HAT1: variants seen among roughly 807,000 people sequenced by gnomAD.
HAT1 encodes the protein histone acetyltransferase 1, also known as histone acetyltransferase type B catalytic subunit.
HAT1 carries 20 observed loss-of-function variants against 56.6 expected under a neutral mutation model. That is an observed-to-expected ratio of 0.35 (90% CI 0.25 to 0.51). HAT1 has a LOEUF of 0.51. HAT1 is among the 20% of genes least tolerant of loss of function. HAT1 has a pLI of 0.95. For synonymous variants in HAT1, 146 were observed against 165.5 expected (o/e 0.88, Z 0.91); for missense variants, 408 against 504.3 (o/e 0.81, Z 1.83).
At chr2:171,928,697 G>T (rs150218478) in intron 2 of HAT1, among the ~76,000 whole-genome samples, 3,265 of 152,218 alleles carry the variant, frequency 0.021, 55 homozygotes, top group Middle Eastern at 0.037. Context: ...TTTTAGGAGA[G>T]ACGGAGTTTC....
At chr2:171,967,316 A>G (rs1421022814) in intron 8 of HAT1, among the ~76,000 whole-genome samples, 2 of 152,210 alleles carry the variant, frequency 1.3e-5, no homozygotes, top group Non-Finnish European at 2.9e-5. Flanking sequence ...GCAGAATATT[A>G]TAAACTTTAC....
intron 4 of HAT1, among the ~76,000 whole-genome samples, chr2:171,954,208 T>A (rs1241481471): frequency 6.6e-6 from 1 of 152,166 alleles, no homozygotes; most frequent in Non-Finnish European, 1.5e-5. Flanking sequence ...TCAAAGAAGA[T>A]GGAGGGAAAT....
At chr2:171,977,557 ATTT>A (rs1172067451) in intron 9 of HAT1, among the ~76,000 whole-genome samples, 219 of 15,992 alleles carry the variant, frequency 0.014, 1 homozygote, top group Middle Eastern at 0.083. Context: ...ATATATATAT[ATTT>A]TTTTTTTTTT....
At chr2:171,928,906 T>C (rs1441317268) in intron 2 of HAT1, among the ~76,000 whole-genome samples, 2 of 152,224 alleles carry the variant, frequency 1.3e-5, no homozygotes, top group African/African-American at 4.8e-5. Context: ...TTGGCTGTTA[T>C]TGTATGAGTT....
intron 2 of HAT1, among the ~76,000 whole-genome samples, chr2:171,933,445 T>C (rs1447804314): frequency 6.6e-6 from 1 of 151,944 alleles, no homozygotes; most frequent in Non-Finnish European, 1.5e-5. Flanking sequence ...CTAGCATTAA[T>C]GTTATAAATT....
At position 171,925,864 on chromosome 2, in the gene HAT1, G is replaced by A. The variant is rs186827540; in HGVS notation, c.112+223G>A. 1.3e-3 allele frequency among the ~76,000 whole-genome samples: 196 copies of A among 152,060 alleles called. 2 individuals carry two copies. Among genetic ancestry groups the A allele is most frequent in the African/African-American group, 4.3e-3 (178 of 41,496 alleles). ...AGAATTTTATATAAAAAGGAAAGAC[G>A]GTGGGGCAAAAAGTAATAAGTATAT... On this transcript the variant is annotated intron_variant, in intron 2 of 10. Transcript: ENST00000264108.
chr2:171,956,458 GC>G (rs951436154), intron 4 of HAT1, among the ~76,000 whole-genome samples: 10 of 146,630 alleles, frequency 6.8e-5, no homozygotes, highest in African/African-American at 2.5e-4. Context: ...GTTGCAGTGA[GC>G]CAAGATGGTG....
intron 9 of HAT1, among the ~76,000 whole-genome samples, chr2:171,977,841 G>A (rs1688027638): frequency 6.6e-6 from 1 of 151,422 alleles, no homozygotes; most frequent in Non-Finnish European, 1.5e-5. Flanking sequence ...TGGCCAGATA[G>A]TACTCATTTT....
intron 2 of HAT1, among the ~76,000 whole-genome samples, chr2:171,927,836 G>A (rs763841432): frequency 1.3e-5 from 2 of 151,898 alleles, no homozygotes; most frequent in East Asian, 1.9e-4. Context: ...CACCTGCCTC[G>A]GTCTCCCAAA....
intron 3 of HAT1, among the ~76,000 whole-genome samples, chr2:171,952,157 C>T (rs1687324613): frequency 1.3e-5 from 2 of 152,124 alleles, no homozygotes; most frequent in Admixed American, 6.5e-5. Flanking sequence ...GGAACATTGT[C>T]ATTACTTCCA....
intron 8 of HAT1, among the ~76,000 whole-genome samples, chr2:171,974,180 AAAAAAAAAAAAAG>A (rs1246440595): frequency 1.9e-5 from 2 of 102,670 alleles, no homozygotes; most frequent in Non-Finnish European, 2.1e-5. Context: ...TCTCAAAAAA[AAAAAAAAAAAAAG>A]AAAAAAAGAA....
At chr2:171,957,862 A>G (rs754584698) in intron 4 of HAT1, among the ~76,000 whole-genome samples, 4 of 152,314 alleles carry the variant, frequency 2.6e-5, no homozygotes, top group South Asian at 2.1e-4. Flanking sequence ...GTTTTAGTAA[A>G]TTATATCTGA....
chr2:171,954,504 G>A (rs909636781), intron 4 of HAT1, among the ~76,000 whole-genome samples: 4 of 152,114 alleles, frequency 2.6e-5, no homozygotes, highest in African/African-American at 9.7e-5. Flanking sequence ...TGGCCAACAT[G>A]GCAAAACCCC....
intron 2 of HAT1, among the ~76,000 whole-genome samples, chr2:171,935,314 A>T (rs1156258720): frequency 6.7e-6 from 1 of 150,254 alleles, no homozygotes; most frequent in African/African-American, 2.4e-5. Context: ...CAGGAGTTCG[A>T]GACCAGCCTG....
At chr2:171,962,235 CA>C (rs1236025971) in intron 4 of HAT1, among the ~76,000 whole-genome samples, 2 of 152,088 alleles carry the variant, frequency 1.3e-5, no homozygotes, top group African/African-American at 4.8e-5. Context: ...TTGAAATGAC[CA>C]TAGTTAAATA....
At chr2:171,947,682 C>A (rs768483918) in intron 3 of HAT1, among the ~76,000 whole-genome samples, 1 of 152,140 alleles carries the variant, frequency 6.6e-6, no homozygotes, top group African/African-American at 2.4e-5. Context: ...AGTTCCAGAC[C>A]GGCCTGGCTA....
At chr2:171,965,732 C>A in intron 5 of HAT1, 55 bp from the exon 6 acceptor site, 1 of 1,570,250 alleles carries the variant, frequency 6.4e-7, no homozygotes, top group South Asian at 1.2e-5. Flanking sequence ...GTTCTGCGGA[C>A]TTTCACTTAC....
At chr2:171,961,707 T>C (rs1156491299) in intron 4 of HAT1, among the ~76,000 whole-genome samples, 2 of 152,212 alleles carry the variant, frequency 1.3e-5, no homozygotes, top group Non-Finnish European at 2.9e-5. Flanking sequence ...CAAGTTTATC[T>C]TGTTTAGTTC....
intron 10 of HAT1, among the ~76,000 whole-genome samples, chr2:171,981,114 G>A (rs1002614878): frequency 4.6e-5 from 7 of 152,044 alleles, no homozygotes; most frequent in East Asian, 1.9e-4. Context: ...AGGTTGCAGT[G>A]AGCCAAGATT....
Sources: gnomAD v4.1 joint callset for allele counts (sites outside exome capture counted in the v4.1 genomes callset) on GRCh38, gnomAD v4.1.1 for gene constraint, MANE v1.5 for transcripts, NCBI Gene and HGNC (gene_info 2026-07-23, HGNC 2026-07-21) for gene names.